NAA11: variants seen among roughly 807,000 people sequenced by gnomAD.
The protein encoded by NAA11 is N-alpha-acetyltransferase 11.
In NAA11, 15 loss-of-function variants were observed where a neutral mutation model predicts 16.1. That is an observed-to-expected ratio of 0.93 (90% CI 0.62 to 1.44). NAA11 has a LOEUF of 1.44. Ranked by LOEUF, NAA11 falls within the 40% of genes most tolerant of loss-of-function variation. NAA11 has a pLI of 0.00. For missense variants in NAA11, 298 were observed against 291.3 expected, an observed-to-expected ratio of 1.02 and a Z score of -0.17; for synonymous variants, 122 against 112.4, an observed-to-expected ratio of 1.09 and a Z score of -0.54.
the NAA11 span, among the ~76,000 whole-genome samples, chr4:79,202,567 T>TTA: frequency 5.3e-4 from 65 of 121,612 alleles, no homozygotes; most frequent in Middle Eastern, 4.3e-3. Flanking sequence ...CCATATGTAG[T>TTA]TATATATATA....
intron 2 of NAA11, among the ~76,000 whole-genome samples, chr4:79,270,364 G>T (rs1188130507): frequency 1.3e-5 from 2 of 151,778 alleles, no homozygotes; most frequent in Non-Finnish European, 2.9e-5. Context: ...AATAACAGGA[G>T]CTGAAATTGT....
chr4:79,268,951 G>A (rs1356716807), intron 2 of NAA11, among the ~76,000 whole-genome samples: 4 of 127,478 alleles, frequency 3.1e-5, no homozygotes, highest in African/African-American at 1.3e-4. Context: ...AATATGCGGT[G>A]TTTGGTTTTT....
At chr4:79,319,495 A>C (rs1272611034) in intron 1 of NAA11, among the ~76,000 whole-genome samples, 3 of 152,192 alleles carry the variant, frequency 2.0e-5, no homozygotes, top group East Asian at 3.9e-4. Flanking sequence ...TAAATATTCT[A>C]TCTAACCTCC....
At chr4:79,305,327 A>G (rs1017407433) in intron 1 of NAA11, 3 of 152,254 alleles carry the variant, frequency 2.0e-5, no homozygotes, top group Non-Finnish European at 4.4e-5. Flanking sequence ...AAGACTCCTA[A>G]TACTATACTG....
intron 2 of NAA11, among the ~76,000 whole-genome samples, chr4:79,237,364 A>T (rs973295815): frequency 1.3e-5 from 2 of 152,178 alleles, no homozygotes; most frequent in Admixed American, 1.3e-4. Flanking sequence ...TAAGACACAG[A>T]TGTTGGAATT....
At chr4:79,278,532 C>T (rs936959716) in intron 2 of NAA11, among the ~76,000 whole-genome samples, 1 of 151,972 alleles carries the variant, frequency 6.6e-6, no homozygotes, top group South Asian at 2.1e-4. Flanking sequence ...ATTTCTTTGC[C>T]TGAAAAACTC....
rs532019417 is a variant in NAA11 at position 79,326,036 on chromosome 4, G to A, written c.-159C>T. On this transcript the variant is annotated 5_prime_UTR_variant, in exon 1 of 2. Transcript: ENST00000286794. Reference sequence around the variant, plus strand: ...GGATGGCGGGAAGGCGGAAGGAGCAGGAGATGGAAAAGATGGTGCCAAACT... The same window carrying A: ...GGATGGCGGGAAGGCGGAAGGAGCAAGAGATGGAAAAGATGGTGCCAAACT... The A allele has an allele frequency of 1.3e-5, 8 of 639,258 alleles. No individual in the cohort carries two copies. Among genetic ancestry groups the A allele is most frequent in the East Asian group, 2.8e-5 (1 of 36,312 alleles). The allele number at this position is 639,258 out of a possible 1,614,324, so 39.6% of individuals were successfully genotyped here.
intron 2 of NAA11, among the ~76,000 whole-genome samples, chr4:79,253,874 A>C (rs1262163803): frequency 6.6e-6 from 1 of 152,234 alleles, no homozygotes; most frequent in Non-Finnish European, 1.5e-5. Flanking sequence ...TTTATTTGTC[A>C]AAATAGATGA....
chr4:79,208,263 C>T, the NAA11 span, among the ~76,000 whole-genome samples: 6 of 152,060 alleles, frequency 3.9e-5, no homozygotes, highest in African/African-American at 1.4e-4. Flanking sequence ...CCTCAGTGTT[C>T]TAATCTGAAA....
intron 2 of NAA11, among the ~76,000 whole-genome samples, chr4:79,248,824 C>G (rs1287488978): frequency 6.6e-6 from 1 of 152,208 alleles, no homozygotes; most frequent in Non-Finnish European, 1.5e-5. Flanking sequence ...ACTGGCACTG[C>G]ACTGTACCCA....
At chr4:79,180,773 A>G in the NAA11 span, among the ~76,000 whole-genome samples, 2 of 152,150 alleles carry the variant, frequency 1.3e-5, no homozygotes, top group Non-Finnish European at 2.9e-5. Flanking sequence ...ATAAAGACAC[A>G]TGCACACGTA....
At chr4:79,189,430 C>A in the NAA11 span, among the ~76,000 whole-genome samples, 2 of 152,118 alleles carry the variant, frequency 1.3e-5, no homozygotes, top group East Asian at 3.9e-4. Context: ...AAAAGCTATT[C>A]TTTCCAAAAG....
At chr4:79,162,820 A>T in the NAA11 span, among the ~76,000 whole-genome samples, 1 of 152,216 alleles carries the variant, frequency 6.6e-6, no homozygotes, top group Non-Finnish European at 1.5e-5. Flanking sequence ...TGTAAAATGT[A>T]TCTCCATTAA....
intron 2 of NAA11, among the ~76,000 whole-genome samples, chr4:79,277,178 C>G (rs915941485): frequency 2.0e-5 from 3 of 152,086 alleles, no homozygotes; most frequent in Non-Finnish European, 4.4e-5. Context: ...GCCAGCAACT[C>G]AAGGGTAAAT....
chr4:79,306,681 A>G (rs1723590625), intron 1 of NAA11: 1 of 152,178 alleles, frequency 6.6e-6, no homozygotes, highest in South Asian at 2.1e-4. Context: ...TGTTTCTTCC[A>G]TTTTAAAAGG....
At chr4:79,252,013 A>AAAG (rs10691772) in intron 2 of NAA11, among the ~76,000 whole-genome samples, 122,756 of 151,894 alleles carry the variant, frequency 0.81, 50,580 homozygotes, top group East Asian at 1. Context: ...ACTCAGCCAT[A>AAAG]AAGAATGAAA....
At chr4:79,221,126 C>G (rs1046691471), downstream of NAA11, among the ~76,000 whole-genome samples, 2 of 151,988 alleles carry the variant, frequency 1.3e-5, no homozygotes, top group Non-Finnish European at 2.9e-5. Flanking sequence ...ATTTTATTCT[C>G]TTTGAAGCAA....
the NAA11 span, among the ~76,000 whole-genome samples, chr4:79,174,286 T>C: frequency 6.6e-6 from 1 of 152,148 alleles, no homozygotes; most frequent in African/African-American, 2.4e-5. Flanking sequence ...AAACTATATA[T>C]TAATATTTAC....
the NAA11 span, among the ~76,000 whole-genome samples, chr4:79,170,799 T>TA: frequency 1.9e-4 from 29 of 149,994 alleles, no homozygotes; most frequent in African/African-American, 6.5e-4. Context: ...TAAGTTTTTT[T>TA]AAAAAAAGTA....
Sources: gnomAD v4.1 joint callset for allele counts (sites outside exome capture counted in the v4.1 genomes callset) on GRCh38, gnomAD v4.1.1 for gene constraint, MANE v1.5 for transcripts, NCBI Gene and HGNC (gene_info 2026-07-23, HGNC 2026-07-21) for gene names.